ATP8A1: variants seen among roughly 807,000 people sequenced by gnomAD.
ATP8A1 encodes phospholipid-transporting ATPase IA.
ATP8A1 carries 90 observed loss-of-function variants against 177.7 expected under a neutral mutation model. That is an observed-to-expected ratio of 0.51 (90% CI 0.43 to 0.60). The LOEUF (loss-of-function observed/expected upper bound fraction) is 0.60, where lower values mean the gene tolerates loss of function less well. Among genes scored for constraint, ATP8A1 ranks in the 20% least tolerant of loss-of-function variants. ATP8A1 has a pLI of 0.00. For synonymous variants in ATP8A1, 493 were observed against 485.9 expected (o/e 1.01, Z -0.19); for missense variants, 1,072 against 1,392.8 (o/e 0.77, Z 3.67).
chr4:42,411,388 T>C lies in ATP8A1; in HGVS notation c.*1528A>G, dbSNP rs1161513228. On this transcript the variant is annotated 3_prime_UTR_variant, in exon 37 of 37. Transcript: ENST00000381668. ...CTTCTCAATTCTAGTTGACTTTTTTTAAAAGAGAAAGTTCTACCTATTTTG... is the reference window on the plus strand; with the variant it reads ...CTTCTCAATTCTAGTTGACTTTTTTCAAAAGAGAAAGTTCTACCTATTTTG... 2.0e-5 allele frequency: 3 copies of C among 152,312 alleles called. No homozygotes were observed. Among genetic ancestry groups the C allele is most frequent in the Non-Finnish European group, 4.4e-5 (3 of 68,024 alleles). The allele number at this position is 152,312 out of a possible 1,614,324, so 9.4% of individuals were successfully genotyped here. A position where few individuals can be genotyped will look rare whatever the true frequency, so the allele number is the denominator to read the frequency against.
At chr4:42,432,217 C>T (rs1715385362) in intron 33 of ATP8A1, among the ~76,000 whole-genome samples, 1 of 152,020 alleles carries the variant, frequency 6.6e-6, no homozygotes, top group Non-Finnish European at 1.5e-5. Context: ...CTAGAGTACC[C>T]CGAAAACTGG....
chr4:42,562,830 G>A (rs10433676), intron 15 of ATP8A1, among the ~76,000 whole-genome samples: 26,183 of 152,200 alleles, frequency 0.17, 2,458 homozygotes, highest in East Asian at 0.24. Flanking sequence ...TGGCATCCAT[G>A]TAAGACATGA....
intron 25 of ATP8A1, among the ~76,000 whole-genome samples, chr4:42,481,783 G>A (rs973823891): frequency 6.6e-6 from 1 of 152,164 alleles, no homozygotes; most frequent in African/African-American, 2.4e-5. Flanking sequence ...ACTTCTTCTG[G>A]AAGGAATGGT....
intron 24 of ATP8A1, among the ~76,000 whole-genome samples, chr4:42,490,780 C>T (rs776931618): frequency 6.6e-6 from 1 of 152,182 alleles, no homozygotes; most frequent in Non-Finnish European, 1.5e-5. Flanking sequence ...ATTCCCTTGA[C>T]CCTACTTTCC....
In ATP8A1 at chr4:42,569,149, C is replaced by T. The variant is rs371263580; in HGVS notation, c.1340+12G>A. 81 of 1,593,320 alleles carry T rather than the reference C, an allele frequency of 5.1e-5. No individual in the cohort carries two copies. The African/African-American group carries it at 9.6e-4, about 19-fold the overall frequency. On this transcript the variant is annotated intron_variant, in intron 15 of 36. Transcript: ENST00000381668. ...TAGGGATCAATGAGGCAGAAAGTTC[C>T]ATAGAGCTTACCATTCATCAGGAGA...
chr4:42,545,517 C>A (rs532516063), intron 19 of ATP8A1, among the ~76,000 whole-genome samples: 2 of 152,326 alleles, frequency 1.3e-5, no homozygotes, highest in Admixed American at 1.3e-4. Flanking sequence ...ACAACACCAA[C>A]TGGGTGCTCC....
intron 20 of ATP8A1, among the ~76,000 whole-genome samples, chr4:42,526,256 C>A (rs78307820): frequency 0.011 from 1,636 of 152,184 alleles, 15 homozygotes; most frequent in African/African-American, 0.019. Flanking sequence ...AAAGATGTGG[C>A]CTTCTGCATT....
chr4:42,500,635 T>G (rs1042983824), intron 24 of ATP8A1, among the ~76,000 whole-genome samples: 64 of 149,684 alleles, frequency 4.3e-4, no homozygotes, highest in African/African-American at 1.4e-3. Context: ...TACAAGAGCC[T>G]GGTGGGTAAC....
intron 1 of ATP8A1, among the ~76,000 whole-genome samples, chr4:42,628,335 G>A: frequency 6.6e-6 from 1 of 152,222 alleles, no homozygotes; most frequent in Non-Finnish European, 1.5e-5. Flanking sequence ...AGAAGCATGA[G>A]CACAGGGACT....
chr4:42,430,893 A>G (rs978146736), intron 33 of ATP8A1, among the ~76,000 whole-genome samples: 1 of 151,988 alleles, frequency 6.6e-6, no homozygotes, highest in Non-Finnish European at 1.5e-5. Flanking sequence ...TGGTCACAAC[A>G]CTTCAGGTAC....
At chr4:42,423,325 T>C (rs1714207401) in intron 34 of ATP8A1, among the ~76,000 whole-genome samples, 1 of 152,186 alleles carries the variant, frequency 6.6e-6, no homozygotes, top group African/African-American at 2.4e-5. Context: ...ACAATTTTTC[T>C]TTTACTTTTA....
intron 1 of ATP8A1, among the ~76,000 whole-genome samples, chr4:42,656,053 G>C (rs551074932): frequency 3.8e-4 from 58 of 152,326 alleles, no homozygotes; most frequent in African/African-American, 9.4e-4. Context: ...TGGCAGGCAG[G>C]ATGTTGAGGG....
At chr4:42,548,163 A>G (rs896490968) in intron 19 of ATP8A1, among the ~76,000 whole-genome samples, 15 of 152,204 alleles carry the variant, frequency 9.9e-5, no homozygotes, top group African/African-American at 3.6e-4. Flanking sequence ...TCCTTTCCTA[A>G]CAGATGGTAA....
intron 22 of ATP8A1, among the ~76,000 whole-genome samples, chr4:42,514,469 G>A (rs1725323422): frequency 6.6e-6 from 1 of 152,168 alleles, no homozygotes; most frequent in Non-Finnish European, 1.5e-5. Flanking sequence ...ACGGCCAGTT[G>A]AGGGAAAATC....
chr4:42,603,872 T>C (rs547987020), intron 5 of ATP8A1, among the ~76,000 whole-genome samples: 111 of 152,358 alleles, frequency 7.3e-4, no homozygotes, highest in African/African-American at 2.6e-3. Context: ...ACATAAATGT[T>C]ATAATTACAT....
At chr4:42,422,936 A>G (rs1206363086) in intron 34 of ATP8A1, 37 bp from the exon 35 acceptor site, 3 of 1,520,126 alleles carry the variant, frequency 2.0e-6, no homozygotes, top group Non-Finnish European at 2.7e-6. Context: ...GCATGGAAAT[A>G]CTTCTGTGAA....
chr4:42,448,377 T>G (rs1224543573), intron 30 of ATP8A1, among the ~76,000 whole-genome samples: 1 of 149,568 alleles, frequency 6.7e-6, no homozygotes, highest in East Asian at 2.0e-4. Flanking sequence ...ACAAGTAGCC[T>G]CCCTCCCTCC....
At chr4:42,462,989 T>C (rs1719337567) in intron 27 of ATP8A1, among the ~76,000 whole-genome samples, 1 of 152,236 alleles carries the variant, frequency 6.6e-6, no homozygotes, top group African/African-American at 2.4e-5. Flanking sequence ...TTGGAGTAGC[T>C]GTATTTACCC....
intron 24 of ATP8A1, among the ~76,000 whole-genome samples, chr4:42,498,900 G>A (rs1030833545): frequency 6.6e-6 from 1 of 152,122 alleles, no homozygotes; most frequent in Non-Finnish European, 1.5e-5. Flanking sequence ...CAGTGCCGCC[G>A]AGCTACCTGA....
Sources: allele counts gnomAD v4.1 joint callset (sites outside exome capture counted in the v4.1 genomes callset), GRCh38; gene constraint gnomAD v4.1.1; transcripts MANE v1.5; gene names NCBI Gene and HGNC (gene_info 2026-07-23, HGNC 2026-07-21).